The following BBS9 variants were observed in gnomAD, a reference collection of about 807,000 sequenced individuals.
The protein encoded by BBS9 is Bardet-Biedl syndrome 9, also known as protein PTHB1.
BBS9 carries 89 observed loss-of-function variants against 117.7 expected under a neutral mutation model. The observed-to-expected ratio is 0.76, with a 90% confidence interval of 0.64 to 0.90. BBS9 has a LOEUF of 0.90. BBS9 is among the 40% of genes least tolerant of loss of function. The pLI, the probability that BBS9 is intolerant of heterozygous loss-of-function variation, is 0.00. For missense variants in BBS9, 982 were observed against 1,042.2 expected (o/e 0.94, Z 0.80); for synonymous variants, 379 against 370.9 (o/e 1.02, Z -0.25).
At chr7:33,319,580 T>C (rs1811255614) in intron 9 of BBS9, among the ~76,000 whole-genome samples, 1 of 152,234 alleles carries the variant, frequency 6.6e-6, no homozygotes, top group Non-Finnish European at 1.5e-5. Flanking sequence ...ATGACCATTT[T>C]TTTGCAGGAG....
In BBS9 at chr7:33,581,962, T is replaced by C. The variant is rs183813005; in HGVS notation, c.2522-22903T>C. ...TTTTGTGTTGTCTAGACAGTTTTAC[T>C]TCCAATTATTTTACACCATGGTTAG... is the stretch of plus-strand genomic sequence containing the variant. On this transcript the variant is annotated intron_variant, in intron 21 of 22. Transcript: ENST00000242067. Among the ~76,000 whole-genome samples the C allele has an allele frequency of 1.9e-3, 285 of 152,274 alleles. 2 individuals are homozygous for C. The highest frequency in any genetic ancestry group is 2.4e-3 in the Non-Finnish European group (164 of 68,012).
intron 20 of BBS9, among the ~76,000 whole-genome samples, chr7:33,519,009 A>G (rs1848221492): frequency 6.6e-6 from 1 of 152,134 alleles, no homozygotes; most frequent in South Asian, 2.1e-4. Context: ...CTTGATCAAG[A>G]GAGAAATAAA....
chr7:33,556,398 TC>T (rs1295760024), intron 21 of BBS9, among the ~76,000 whole-genome samples: 1 of 152,212 alleles, frequency 6.6e-6, no homozygotes, highest in Non-Finnish European at 1.5e-5. Flanking sequence ...CTGTGAGTTT[TC>T]CTTTAGTACA....
At chr7:33,552,843 A>T (rs1426718125) in intron 21 of BBS9, among the ~76,000 whole-genome samples, 7 of 152,116 alleles carry the variant, frequency 4.6e-5, no homozygotes, top group African/African-American at 1.4e-4. Context: ...TCAGAAGATG[A>T]CTTGGTTTTA....
intron 9 of BBS9, 57 bp downstream of exon 9, chr7:33,274,013 A>G (rs1358930316): frequency 6.3e-7 from 1 of 1,575,352 alleles, no homozygotes; most frequent in African/African-American, 1.3e-5. Flanking sequence ...GAAATTTTCT[A>G]GAAGTTCTAT....
intron 19 of BBS9, among the ~76,000 whole-genome samples, chr7:33,462,830 A>C (rs1204682816): frequency 6.6e-6 from 1 of 152,046 alleles, no homozygotes; most frequent in Non-Finnish European, 1.5e-5. Context: ...TTGCAAAATG[A>C]GAGTGGTCTT....
At chr7:33,360,506 G>T (rs1000964026) in intron 16 of BBS9, among the ~76,000 whole-genome samples, 1 of 141,974 alleles carries the variant, frequency 7.0e-6, no homozygotes, top group African/African-American at 2.6e-5. Flanking sequence ...CCAGAAAAGT[G>T]AATTAAGCAA....
At chr7:33,177,026 G>A (rs1038649159) in intron 4 of BBS9, among the ~76,000 whole-genome samples, 5 of 152,068 alleles carry the variant, frequency 3.3e-5, no homozygotes, top group Admixed American at 6.6e-5. Context: ...ATATAATTAG[G>A]GGCTTGAATA....
intron 17 of BBS9, 21 bp from the exon 18 acceptor site, chr7:33,383,645 T>C: frequency 6.3e-7 from 1 of 1,587,114 alleles, no homozygotes; most frequent in South Asian, 1.1e-5. Context: ...TAAGCATTTT[T>C]CCTTAATTTT....
chr7:33,547,623 GGTAAATGGT>G (rs1853624283), intron 21 of BBS9, among the ~76,000 whole-genome samples: 1 of 152,080 alleles, frequency 6.6e-6, no homozygotes, highest in Admixed American at 6.5e-5. Flanking sequence ...GAGCGAGAGG[GGTAAATGGT>G]CAGGTTATAA....
At chr7:33,418,386 G>A (rs944132174) in intron 19 of BBS9, among the ~76,000 whole-genome samples, 1 of 152,218 alleles carries the variant, frequency 6.6e-6, no homozygotes, top group Non-Finnish European at 1.5e-5. Flanking sequence ...TCCCTTGGGA[G>A]ACTGAGTGTG....
At chr7:33,598,198 T>A (rs1863188601) in intron 21 of BBS9, among the ~76,000 whole-genome samples, 2 of 150,694 alleles carry the variant, frequency 1.3e-5, no homozygotes, top group African/African-American at 4.9e-5. Flanking sequence ...CTGGAAACAA[T>A]TGTAAAATAT....
chr7:33,590,675 T>C (rs976792602), intron 21 of BBS9, among the ~76,000 whole-genome samples: 3 of 151,978 alleles, frequency 2.0e-5, no homozygotes, highest in Non-Finnish European at 4.4e-5. Flanking sequence ...ATGCTGATGC[T>C]GTAAATGCTT....
intron 20 of BBS9, among the ~76,000 whole-genome samples, chr7:33,524,098 C>T (rs1440563534): frequency 2.4e-5 from 3 of 123,722 alleles, no homozygotes; most frequent in African/African-American, 9.4e-5. Context: ...AGGGATGAAG[C>T]CCACTTGATC....
At chr7:33,631,289 A>T (rs1865880562) in intron 21 of BBS9, among the ~76,000 whole-genome samples, 1 of 152,076 alleles carries the variant, frequency 6.6e-6, no homozygotes, top group Non-Finnish European at 1.5e-5. Flanking sequence ...GGTGATATTT[A>T]TCCCAGCAGC....
chr7:33,545,352 T>C (rs1039105601), intron 21 of BBS9, among the ~76,000 whole-genome samples: 1 of 152,192 alleles, frequency 6.6e-6, no homozygotes, highest in African/African-American at 2.4e-5. Flanking sequence ...AATGGGCTAC[T>C]TGGGGACCCA....
chr7:33,363,779 C>T (rs1201544813), intron 16 of BBS9, among the ~76,000 whole-genome samples: 1 of 151,122 alleles, frequency 6.6e-6, no homozygotes, highest in African/African-American at 2.4e-5. Context: ...TTTTTCAAGA[C>T]TACTTCTACA....
chr7:33,515,460 C>CT (rs745605991), intron 20 of BBS9, among the ~76,000 whole-genome samples: 4 of 152,262 alleles, frequency 2.6e-5, no homozygotes, highest in South Asian at 2.1e-4. Context: ...TTCATGATTT[C>CT]TTTTTTCTGA....
intron 4 of BBS9, among the ~76,000 whole-genome samples, chr7:33,159,603 A>G (rs1479896599): frequency 2.6e-5 from 4 of 152,182 alleles, no homozygotes; most frequent in African/African-American, 4.8e-5. Flanking sequence ...AGGTTCTCAC[A>G]TAGGTGAGAG....
Sources: allele counts gnomAD v4.1 joint callset (sites outside exome capture counted in the v4.1 genomes callset), GRCh38; gene constraint gnomAD v4.1.1; transcripts MANE v1.5; gene names NCBI Gene and HGNC (gene_info 2026-07-23, HGNC 2026-07-21).